Variants in RALGAPA2 observed in about 807,000 individuals in gnomAD.
RALGAPA2 encodes ral GTPase-activating protein subunit alpha-2.
A neutral mutation model predicts 230.4 loss-of-function variants in RALGAPA2; 139 were observed. The observed-to-expected ratio is 0.60, with a 90% confidence interval of 0.53 to 0.69. RALGAPA2 has a LOEUF of 0.69. Ranked by LOEUF, RALGAPA2 falls within the 30% of genes least tolerant of loss-of-function variation. The probability of loss-of-function intolerance (pLI) is 0.00; values close to 1 mark genes in which losing one functional copy is unlikely to be tolerated. For synonymous variants in RALGAPA2, 847 were observed against 837.8 expected, an observed-to-expected ratio of 1.01 and a Z score of -0.19; for missense variants, 2,163 against 2,276.0, an observed-to-expected ratio of 0.95 and a Z score of 1.01.
intron 37 of RALGAPA2, among the ~76,000 whole-genome samples, chr20:20,451,747 T>A (rs2060993741): frequency 6.6e-6 from 1 of 152,240 alleles, no homozygotes; most frequent in South Asian, 2.1e-4. Flanking sequence ...GGAGGGACAT[T>A]CTTTTAGAAG....
rs1225616506 is a variant in RALGAPA2 at position 20,512,508 on chromosome 20, G to A, written c.4856+5C>T. 1 of 1,583,764 alleles carries A rather than the reference G, an allele frequency of 6.3e-7. No homozygotes were observed. Among genetic ancestry groups the A allele is most frequent in the Admixed American group, 1.8e-5 (1 of 54,560 alleles). ...AATAACTGGAGGTCTAGCTTGGATT[G>A]TTACCTTCTGTCCCAAGAATTCATT... On this transcript the variant is annotated splice_donor_5th_base_variant and intron_variant, in intron 32 of 39. Coordinates refer to ENST00000202677, the MANE Select transcript of RALGAPA2 (RefSeq NM_020343.4).
At position 20,487,553 on chromosome 20, in the gene RALGAPA2, G is replaced by C. The variant is rs138703188; in HGVS notation, c.5367+7564C>G. ...TCCAATTCCAACTTAGATGAGGTAG[G>C]AGACTAGAAGGCGTTGGTATTAAGT... On this transcript the variant is annotated intron_variant, in intron 36 of 39. Transcript: ENST00000202677. Among the ~76,000 whole-genome samples the C allele has an allele frequency of 1.7e-3, 261 of 152,254 alleles. 1 individual carries two copies. Among genetic ancestry groups the C allele is most frequent in the African/African-American group, 6.0e-3 (251 of 41,546 alleles).
At chr20:20,512,223 C>CCACA (rs2062727247) in intron 32 of RALGAPA2, among the ~76,000 whole-genome samples, 1 of 135,648 alleles carries the variant, frequency 7.4e-6, no homozygotes, top group Non-Finnish European at 1.6e-5. Context: ...ACAACCCCCC[C>CCACA]TACACACACA....
chr20:20,461,721 A>G (rs1280162650), intron 37 of RALGAPA2, among the ~76,000 whole-genome samples: 1 of 152,198 alleles, frequency 6.6e-6, no homozygotes, highest in African/African-American at 2.4e-5. Context: ...GCCCTGGGGG[A>G]ATTCTGGAAC....
intron 37 of RALGAPA2, among the ~76,000 whole-genome samples, chr20:20,417,498 C>T (rs1431073296): frequency 6.6e-6 from 1 of 152,194 alleles, no homozygotes; most frequent in Non-Finnish European, 1.5e-5. Flanking sequence ...ATAAAGGACA[C>T]TCCTCACTGG....
intron 12 of RALGAPA2, among the ~76,000 whole-genome samples, chr20:20,617,221 G>GT (rs1357456457): frequency 6.6e-6 from 1 of 152,212 alleles, no homozygotes; most frequent in Non-Finnish European, 1.5e-5. Flanking sequence ...TTAAAGTATT[G>GT]TATCAAAATA....
chr20:20,634,003 C>G (rs2066772839), intron 9 of RALGAPA2, among the ~76,000 whole-genome samples: 1 of 152,178 alleles, frequency 6.6e-6, no homozygotes, highest in Non-Finnish European at 1.5e-5. Context: ...CAATACTAAT[C>G]TCAGTCTCAT....
intron 19 of RALGAPA2, 64 bp downstream of exon 19, chr20:20,584,801 T>C: frequency 8.1e-7 from 1 of 1,233,794 alleles, no homozygotes; most frequent in Non-Finnish European, 1.2e-6. Flanking sequence ...AATAATAAAA[T>C]GTAAAAAGAA....
At position 20,678,166 on chromosome 20, in the gene RALGAPA2, T is replaced by C. The variant is rs145944403; in HGVS notation, c.218-1878A>G. On this transcript the variant is annotated intron_variant, in intron 2 of 39. Coordinates refer to ENST00000202677, the MANE Select transcript of RALGAPA2 (RefSeq NM_020343.4). Reference sequence around the variant, plus strand: ...AATAACTCCGGAGTTTTGGCCTGAATAACTGCAAAGGCTCAAGTTATCACA... The same window carrying C: ...AATAACTCCGGAGTTTTGGCCTGAACAACTGCAAAGGCTCAAGTTATCACA... 8.4e-4 allele frequency among the ~76,000 whole-genome samples: 128 copies of C among 152,330 alleles called. No homozygotes were observed. The East Asian group carries it at 0.021, about 25-fold the overall frequency.
intron 36 of RALGAPA2, among the ~76,000 whole-genome samples, chr20:20,492,134 C>A (rs1026425775): frequency 1.7e-4 from 26 of 152,032 alleles, no homozygotes; most frequent in Non-Finnish European, 1.5e-5. Flanking sequence ...ATTAATGAGG[C>A]CGAGTGAATG....
At chr20:20,573,901 T>C (rs1457161753) in intron 20 of RALGAPA2, among the ~76,000 whole-genome samples, 1 of 152,236 alleles carries the variant, frequency 6.6e-6, no homozygotes, top group Non-Finnish European at 1.5e-5. Context: ...TAAACATTCA[T>C]GTACAAGCTT....
chr20:20,698,482 C>T (rs907981398), intron 1 of RALGAPA2, among the ~76,000 whole-genome samples: 14 of 152,050 alleles, frequency 9.2e-5, no homozygotes, highest in African/African-American at 3.4e-4. Flanking sequence ...CTCCATATCC[C>T]GGGTTCAAGT....
chr20:20,518,535 T>C (rs2062943888), intron 31 of RALGAPA2, among the ~76,000 whole-genome samples: 1 of 152,214 alleles, frequency 6.6e-6, no homozygotes, highest in South Asian at 2.1e-4. Flanking sequence ...CAATATGTTT[T>C]TAAGCATCTT....
intron 37 of RALGAPA2, among the ~76,000 whole-genome samples, chr20:20,468,793 C>T (rs1258466722): frequency 2.6e-5 from 4 of 152,006 alleles, no homozygotes; most frequent in African/African-American, 9.7e-5. Flanking sequence ...CTCCACACCC[C>T]CACAAATCTA....
At chr20:20,556,906 G>C (rs2064100208) in intron 23 of RALGAPA2, among the ~76,000 whole-genome samples, 1 of 152,172 alleles carries the variant, frequency 6.6e-6, no homozygotes, top group African/African-American at 2.4e-5. Context: ...GCTTGTCTTA[G>C]AAGAGGCTAA....
At chr20:20,522,292 CCA>C (rs2063068624) in intron 30 of RALGAPA2, among the ~76,000 whole-genome samples, 1 of 149,838 alleles carries the variant, frequency 6.7e-6, no homozygotes, top group South Asian at 2.1e-4. Flanking sequence ...TTTTATTGGT[CCA>C]AAACTCTAAA....
intron 3 of RALGAPA2, among the ~76,000 whole-genome samples, chr20:20,664,114 T>C (rs571143013): frequency 6.6e-6 from 1 of 152,226 alleles, no homozygotes; most frequent in African/African-American, 2.4e-5. Context: ...TTAAAACTTA[T>C]GAATGGTTTA....
intron 37 of RALGAPA2, among the ~76,000 whole-genome samples, chr20:20,452,902 C>T (rs1029315304): frequency 6.6e-6 from 1 of 152,172 alleles, no homozygotes; most frequent in African/African-American, 2.4e-5. Context: ...GTTGACCAGG[C>T]ACTGGGGTGG....
intron 14 of RALGAPA2, among the ~76,000 whole-genome samples, chr20:20,609,521 C>A (rs947141202): frequency 6.6e-6 from 1 of 151,734 alleles, no homozygotes; most frequent in Non-Finnish European, 1.5e-5. Flanking sequence ...AGATCAAAAC[C>A]AACCAACCAA....
Sources: allele counts gnomAD v4.1 joint callset (sites outside exome capture counted in the v4.1 genomes callset), GRCh38; gene constraint gnomAD v4.1.1; transcripts MANE v1.5; gene names NCBI Gene and HGNC (gene_info 2026-07-23, HGNC 2026-07-21).